The following CAMK1D variants were observed in gnomAD, a reference collection of about 807,000 sequenced individuals.
The protein encoded by CAMK1D is calcium/calmodulin-dependent protein kinase type 1D.
In CAMK1D, 9 loss-of-function variants were observed where a neutral mutation model predicts 47.7. That is an observed-to-expected ratio of 0.19 (90% confidence interval 0.11 to 0.33). The LOEUF (loss-of-function observed/expected upper bound fraction) is 0.33. CAMK1D is among the 10% of genes least tolerant of loss of function. CAMK1D has a pLI of 1.00. For missense variants in CAMK1D, 291 were observed against 488.7 expected (o/e 0.60, Z 3.81); for synonymous variants, 184 against 184.9 (o/e 0.99, Z 0.04).
intron 1 of CAMK1D, among the ~76,000 whole-genome samples, chr10:12,433,422 T>A (rs529811038): frequency 2.1e-4 from 32 of 152,190 alleles, no homozygotes; most frequent in Non-Finnish European, 3.4e-4. Flanking sequence ...TTTTTAATAT[T>A]TGTTTATTCA....
intron 1 of CAMK1D, among the ~76,000 whole-genome samples, chr10:12,461,557 C>T (rs977050467): frequency 3.3e-5 from 5 of 151,872 alleles, no homozygotes; most frequent in Admixed American, 6.6e-5. Context: ...GGTGTGGTGG[C>T]GTGCACCTGT....
intron 2 of CAMK1D, among the ~76,000 whole-genome samples, chr10:12,574,217 C>A (rs1176704341): frequency 2.0e-4 from 30 of 152,138 alleles, no homozygotes; most frequent in Non-Finnish European, 1.6e-4. Flanking sequence ...GACCACCAAC[C>A]CCTTCTTAAA....
intron 3 of CAMK1D, among the ~76,000 whole-genome samples, chr10:12,695,149 T>C (rs1000300094): frequency 6.6e-6 from 1 of 152,096 alleles, no homozygotes; most frequent in African/African-American, 2.4e-5. Context: ...AACCCTAATA[T>C]AGGAGCTTAT....
chr10:12,361,509 T>G (rs1399690803), intron 1 of CAMK1D, among the ~76,000 whole-genome samples: 2 of 145,744 alleles, frequency 1.4e-5, no homozygotes, highest in Non-Finnish European at 3.0e-5. Flanking sequence ...CCTCCCAAAG[T>G]GCTGGGATTA....
chr10:12,481,202 T>A (rs1456874727), intron 1 of CAMK1D, among the ~76,000 whole-genome samples: 1 of 152,200 alleles, frequency 6.6e-6, no homozygotes, highest in Non-Finnish European at 1.5e-5. Flanking sequence ...AACATCACTA[T>A]TGTGGTGTTA....
At chr10:12,569,410 C>G (rs1361923730) in intron 2 of CAMK1D, among the ~76,000 whole-genome samples, 1 of 152,044 alleles carries the variant, frequency 6.6e-6, no homozygotes, top group Non-Finnish European at 1.5e-5. Flanking sequence ...TTTTCTACTA[C>G]TCTTAAAAAT....
intron 1 of CAMK1D, among the ~76,000 whole-genome samples, chr10:12,450,644 C>T (rs1833056619): frequency 6.6e-6 from 1 of 152,190 alleles, no homozygotes; most frequent in Non-Finnish European, 1.5e-5. Flanking sequence ...AGGCTGTGTC[C>T]TGGTCTGAGA....
chr10:12,633,739 T>G (rs969130068), intron 2 of CAMK1D, among the ~76,000 whole-genome samples: 1 of 152,094 alleles, frequency 6.6e-6, no homozygotes, highest in Non-Finnish European at 1.5e-5. Flanking sequence ...ATCTTTTTGG[T>G]GGAGATGGGG....
At chr10:12,532,121 A>G (rs1049757017) in intron 1 of CAMK1D, among the ~76,000 whole-genome samples, 1 of 152,258 alleles carries the variant, frequency 6.6e-6, no homozygotes, top group Non-Finnish European at 1.5e-5. Context: ...TTCCTATAAC[A>G]GAAAAATCTT....
chr10:12,486,443 C>T (rs1834218836), intron 1 of CAMK1D, among the ~76,000 whole-genome samples: 1 of 152,048 alleles, frequency 6.6e-6, no homozygotes, highest in Non-Finnish European at 1.5e-5. Context: ...CAGGCATGAG[C>T]CACTGCACCT....
chr10:12,705,482 AAGAAT>A (rs1564507241), intron 3 of CAMK1D, among the ~76,000 whole-genome samples: 1 of 152,020 alleles, frequency 6.6e-6, no homozygotes, highest in African/African-American at 2.4e-5. Flanking sequence ...AAGAAAAGAA[AAGAAT>A]AGAATAATAG....
At chr10:12,636,516 C>T (rs537238060) in intron 2 of CAMK1D, among the ~76,000 whole-genome samples, 1 of 152,122 alleles carries the variant, frequency 6.6e-6, no homozygotes, top group African/African-American at 2.4e-5. Context: ...TTTGTAGTGA[C>T]GCAGTCTCAC....
intron 1 of CAMK1D, among the ~76,000 whole-genome samples, chr10:12,494,333 G>C (rs1367879620): frequency 1.3e-5 from 2 of 152,060 alleles, no homozygotes; most frequent in African/African-American, 4.8e-5. Context: ...TTGGTACACA[G>C]CTTATTTTTA....
intron 1 of CAMK1D, among the ~76,000 whole-genome samples, chr10:12,460,759 G>A (rs1044129806): frequency 2.6e-5 from 4 of 152,028 alleles, no homozygotes; most frequent in Non-Finnish European, 1.5e-5. Context: ...TGGAGATGGA[G>A]TTTTGCTATG....
At chr10:12,808,827 C>A (rs1246202872) in intron 6 of CAMK1D, among the ~76,000 whole-genome samples, 1 of 151,822 alleles carries the variant, frequency 6.6e-6, no homozygotes, top group Non-Finnish European at 1.5e-5. Context: ...ACTATAAGAT[C>A]CATACAGGGC....
At chr10:12,808,949 T>A (rs1832485626) in intron 6 of CAMK1D, among the ~76,000 whole-genome samples, 2 of 151,998 alleles carry the variant, frequency 1.3e-5, no homozygotes, top group South Asian at 4.2e-4. Flanking sequence ...AAACCCCATC[T>A]CTACTAAAAA....
At chr10:12,770,727 T>A (rs373250795) in intron 5 of CAMK1D, among the ~76,000 whole-genome samples, 1 of 151,972 alleles carries the variant, frequency 6.6e-6, no homozygotes, top group African/African-American at 2.4e-5. Flanking sequence ...GGGAGGAGAC[T>A]TGGGCCTTGG....
intron 5 of CAMK1D, among the ~76,000 whole-genome samples, chr10:12,775,046 G>C (rs1168817495): frequency 2.6e-5 from 4 of 151,096 alleles, no homozygotes; most frequent in African/African-American, 7.3e-5. Context: ...CTGTGAGAAG[G>C]CTCAGGCATT....
In CAMK1D at chr10:12,734,391, GATATATATATAT is replaced by G. The variant is rs1232057007; in HGVS notation, c.300-26553_300-26542del. On this transcript the variant is annotated intron_variant, in intron 3 of 10. Transcript: ENST00000619168. ...ATATATATATATAGATATAGATATA[GATATATATATAT>G]ATACACACACACACACATGTATATA... Among the ~76,000 whole-genome samples, 8 of 24,342 alleles carry G rather than the reference GATATATATATAT, an allele frequency of 3.3e-4. 2 individuals carry two copies. The highest frequency in any genetic ancestry group is 6.1e-4 in the African/African-American group (4 of 6,518). 16.0% of individuals were successfully genotyped at this position (24,342 alleles called of 152,430 possible). A position where few individuals can be genotyped will look rare whatever the true frequency, so the allele number is the denominator to read the frequency against.
Sources: gnomAD v4.1 joint callset for allele counts (sites outside exome capture counted in the v4.1 genomes callset) on GRCh38, gnomAD v4.1.1 for gene constraint, MANE v1.5 for transcripts, NCBI Gene and HGNC (gene_info 2026-07-23, HGNC 2026-07-21) for gene names.